The following SEMA4C variants were observed in gnomAD, a reference collection of about 807,000 sequenced individuals.
The protein encoded by SEMA4C is semaphorin-4C.
In SEMA4C, 19 loss-of-function variants were observed where a neutral mutation model predicts 89.0. The observed-to-expected ratio is 0.21, with a 90% CI of 0.15 to 0.31. SEMA4C has a LOEUF of 0.31. Ranked by LOEUF, SEMA4C falls within the 10% of genes least tolerant of loss-of-function variation. SEMA4C has a pLI of 1.00. For synonymous variants in SEMA4C, 428 were observed against 472.7 expected, an observed-to-expected ratio of 0.91 and a Z score of 1.23; for missense variants, 811 against 1,107.0, an observed-to-expected ratio of 0.73 and a Z score of 3.79.
At chr2:96,862,008 CG>C (rs1452764042) in intron 12 of SEMA4C, 114 bp from the exon 13 acceptor site, 1 of 1,156,014 alleles carries the variant, frequency 8.7e-7, no homozygotes, top group African/African-American at 1.5e-5. Context: ...GGGCACAGCA[CG>C]GGGCGCCAGA....
intron 1 of SEMA4C, chr2:96,868,723 G>C (rs2080139011): frequency 1.0e-5 from 10 of 985,252 alleles, no homozygotes; most frequent in Non-Finnish European, 1.2e-5. Context: ...CGGGGACTCC[G>C]GCGGCGCGCG....
At chr2:96,863,854 A>G (rs2080008327) in intron 11 of SEMA4C, 60 bp from the exon 12 acceptor site, 15 of 1,601,328 alleles carry the variant, frequency 9.4e-6, no homozygotes, top group Non-Finnish European at 1.3e-5. Context: ...GGCAGCTCCA[A>G]ATCTCCCTGC....
chr2:96,861,607 G>C lies in SEMA4C; in HGVS notation c.1644C>G (p.Gly548=). 1 of 1,582,612 alleles carries C rather than the reference G, an allele frequency of 6.3e-7. No homozygotes were observed. Among genetic ancestry groups the C allele is most frequent in the South Asian group, 1.2e-5 (1 of 86,674 alleles). ...TCTTACTGCCACGGAGGTTGCAGAT[G>C]CCTGAAGTGTCCGAGGTCATCACAT... ...IQHVMTSDTS[G]ICNLRGSKKV... The change falls in exon 14 of 15, where the codon GGC becomes GGG. Residue 548 remains glycine, a synonymous_variant. Coordinates refer to ENST00000305476, the MANE Select transcript of SEMA4C (RefSeq NM_017789.5). This position sits in a 1 kb window ranked among gnomAD's most constrained non-coding sequence, Gnocchi z 7.8.
rs564221354 is a variant in SEMA4C, at chr2:96,861,227, G to T, written c.1901C>A (p.Ala634Glu). ...AAGGTAGCCTTCAGCAGCCAGCCGC[G>T]CCCCCTGCTCCTCTGAAAAGCAGTG... ...AYHCFSEEQG[A>E]RLAAEGYLVA... Residue 634 changes from alanine to glutamate, a missense_variant, in exon 15 of 15, where the codon GCG (alanine) becomes GAG (glutamate). Ala to Glu is a moderately radical substitution (Grantham distance 107). Transcript: ENST00000305476. This position sits in a 1 kb window ranked among gnomAD's most constrained non-coding sequence, Gnocchi z 7.8. The T allele has an allele frequency of 3.7e-6, 6 of 1,610,198 alleles. No individual in the cohort carries two copies. In the Admixed American group the frequency reaches 8.3e-5, roughly 22 times the overall value.
At chr2:96,862,056 G>A (rs2079959252) in intron 12 of SEMA4C, 162 bp from the exon 13 acceptor site, 3 of 749,624 alleles carry the variant, frequency 4.0e-6, no homozygotes, top group Non-Finnish European at 6.3e-6. Context: ...CTATAGTGCT[G>A]AAAAGGGAAC....
chr2:96,863,390 C>T, intron 12 of SEMA4C: 1 of 1,174,438 alleles, frequency 8.5e-7, no homozygotes, highest in Non-Finnish European at 1.1e-6. Context: ...AACCACAGCA[C>T]AGCTTGGAGG....
intron 1 of SEMA4C, chr2:96,869,627 C>T (rs2080163297): frequency 1.0e-6 from 1 of 985,260 alleles, no homozygotes; most frequent in Non-Finnish European, 1.2e-6. Flanking sequence ...GAGGAACCCT[C>T]GCTGGCGCGC....
At chr2:96,868,475 G>C in intron 1 of SEMA4C, 1 of 993,126 alleles carries the variant, frequency 1.0e-6, no homozygotes, top group Non-Finnish European at 1.2e-6. Context: ...CCCCAGCGCA[G>C]ACAATAGCCC....
At chr2:96,869,549 T>C (rs1195069578) in intron 1 of SEMA4C, 2 of 985,088 alleles carry the variant, frequency 2.0e-6, no homozygotes, top group South Asian at 4.7e-5. Flanking sequence ...AAACTTTCCA[T>C]CGGGGGTGGG....
At chr2:96,863,061 T>G (rs1014459259) in intron 12 of SEMA4C, 1 of 172,902 alleles carries the variant, frequency 5.8e-6, no homozygotes, top group Non-Finnish European at 1.1e-5. Context: ...CAAAAAACCT[T>G]TAGCTGGGCA....
chr2:96,870,411 G>A, upstream of SEMA4C: 2 of 906,858 alleles, frequency 2.2e-6, no homozygotes, highest in Non-Finnish European at 2.6e-6. Flanking sequence ...GAAGACTCCG[G>A]GCGGGCTGGG....
rs369406309 is a variant in SEMA4C at position 96,864,551 on chromosome 2, G to A, written c.962+154C>T. ...ATGGGGCCCTGCCCCTTCACAGGCA[G>A]CTCTGAAAGGGGCAGGTGCCAGCAT... On this transcript the variant is annotated intron_variant, in intron 9 of 14. Coordinates refer to ENST00000305476, the MANE Select transcript of SEMA4C (RefSeq NM_017789.5). This position sits in a 1 kb window ranked among gnomAD's most constrained non-coding sequence, Gnocchi z 6.3. 2.0e-5 allele frequency among the ~76,000 whole-genome samples: 3 copies of A among 152,322 alleles called. No individual in the cohort carries two copies. In the East Asian group the frequency reaches 5.8e-4, roughly 29 times the overall value.
At position 96,860,566 on chromosome 2, in the gene SEMA4C, C is replaced by G. The variant is rs1175571442; in HGVS notation, c.*60G>C. ...TGCCATGTCCCTGAGGTAGCTGGTG[C>G]CTGTGCAAAAGTAGGAGCTACACCT... On this transcript the variant is annotated 3_prime_UTR_variant, in exon 15 of 15. Coordinates refer to ENST00000305476, the MANE Select transcript of SEMA4C (RefSeq NM_017789.5). The G allele has an allele frequency of 6.9e-7, 1 of 1,452,348 alleles. No homozygotes were observed. The highest frequency in any genetic ancestry group is 9.4e-7 in the Non-Finnish European group (1 of 1,062,958). 90.0% of individuals were successfully genotyped at this position (1,452,348 alleles called of 1,614,324 possible).
At chr2:96,868,047 C>G (rs1462631565) in intron 1 of SEMA4C, 124 bp from the exon 2 acceptor site, 13 of 1,319,294 alleles carry the variant, frequency 9.9e-6, no homozygotes, top group Non-Finnish European at 1.2e-5. Flanking sequence ...CCTCCTTCCC[C>G]TTCTCTTTGG....
At chr2:96,870,282 C>A (rs922930061), upstream of SEMA4C, 1 of 985,428 alleles carries the variant, frequency 1.0e-6, no homozygotes, top group Non-Finnish European at 1.2e-6. Flanking sequence ...TGTCCAGCAG[C>A]CCCGGGGCTC....
Position 96,861,154 on chromosome 2 carries a change from G to T in SEMA4C, c.1974C>A (p.Pro658=). ...GCCACACCAGCCCCAGGTTTTCCAG[G>T]GGGGCCCGGGCCTCCAAGGTCACCG... ...GPSVTLEARA[P]LENLGLVWLA... The change falls in exon 15 of 15, where the codon CCC becomes CCA. Residue 658 remains proline (P), a synonymous_variant. Coordinates refer to ENST00000305476, the MANE Select transcript of SEMA4C (RefSeq NM_017789.5). This position sits in a 1 kb window ranked among gnomAD's most constrained non-coding sequence, Gnocchi z 7.8. The T allele has an allele frequency of 6.2e-7, 1 of 1,610,928 alleles. No homozygotes were observed.
Position 96,865,132 on chromosome 2 carries a change from AG to A in SEMA4C, c.635-18del, listed in dbSNP as rs1274764278. The A allele has an allele frequency of 6.3e-7, 1 of 1,590,418 alleles. No homozygotes were observed. Among genetic ancestry groups the A allele is most frequent in the East Asian group, 2.3e-5 (1 of 43,628 alleles). On this transcript the variant is annotated intron_variant, in intron 7 of 14. Transcript: ENST00000305476. Reference sequence around the variant, plus strand: ...AGTGAGGTTCTGTGGGAAGGGGAGGAGGTCAGCAGGGAGGGGCTGGGCCCCG... The same window carrying A: ...AGTGAGGTTCTGTGGGAAGGGGAGGAGTCAGCAGGGAGGGGCTGGGCCCCG...
chr2:96,861,632 T>C lies in SEMA4C; in HGVS notation c.1619A>G (p.His540Arg). 6.3e-7 allele frequency: 1 copy of C among 1,578,500 alleles called. No individual in the cohort carries two copies. Among genetic ancestry groups the C allele is most frequent in the Non-Finnish European group, 8.6e-7 (1 of 1,158,874 alleles). The stretch of plus-strand genomic sequence containing the variant: ...GCCTGAAGTGTCCGAGGTCATCACA[T>C]GCTGGATCAGTAGAGATCTGGTAGG... ...GGHSGSLLIQHVMTSDTSGIC... is the reference protein window; with the variant it reads ...GGHSGSLLIQRVMTSDTSGIC... Residue 540 changes from histidine to arginine, a missense_variant, in exon 14 of 15, where the codon CAT (histidine) becomes CGT (arginine). Around this residue, in one of 4 missense-constraint regions of SEMA4C, gnomAD observed 441 missense variants for 664.9 expected, o/e 0.66. Transcript: ENST00000305476. The surrounding 1 kb of genome is among the most constrained non-coding windows in gnomAD (Gnocchi z 7.8).
rs1424904836 is a variant in SEMA4C, at chr2:96,864,925, A to G, written c.786+39T>C. ...CACTGCCGGTCAGCCCCGCTGGGCC[A>G]GCAGGGCTCCCAGGGCCCACCGCTG... On this transcript the variant is annotated intron_variant, in intron 8 of 14. Transcript: ENST00000305476. This position sits in a 1 kb window ranked among gnomAD's most constrained non-coding sequence, Gnocchi z 6.3. 2 of 1,610,220 alleles carry G rather than the reference A, an allele frequency of 1.2e-6. No homozygotes were observed. The highest frequency in any genetic ancestry group is 2.2e-5 in the East Asian group (1 of 44,780).
Sources: gnomAD v4.1 joint callset for allele counts (sites outside exome capture counted in the v4.1 genomes callset) on GRCh38, gnomAD v4.1.1 for gene constraint, gnomAD v4.1.1 regional missense constraint, Gnocchi (gnomAD v3.1) non-coding constraint, MANE v1.5 for transcripts, NCBI Gene and HGNC (gene_info 2026-07-23, HGNC 2026-07-21) for gene names.